ONECUT2: variants seen among roughly 807,000 people sequenced by gnomAD.
The protein encoded by ONECUT2 is one cut homeobox 2, also known as one cut domain family member 2.
ONECUT2 carries 10 observed loss-of-function variants against 27.9 expected under a neutral mutation model. The ratio of observed to expected loss-of-function variants is 0.36; its 90% confidence interval spans 0.22 to 0.61. ONECUT2 has a LOEUF of 0.61. Ranked by LOEUF, ONECUT2 falls within the 20% of genes least tolerant of loss-of-function variation. The pLI is 0.73. For synonymous variants in ONECUT2, 334 were observed against 315.1 expected, an observed-to-expected ratio of 1.06 and a Z score of -0.64; for missense variants, 686 against 721.0, an observed-to-expected ratio of 0.95 and a Z score of 0.56.
At chr18:57,474,332 G>A (rs750756660) in intron 1 of ONECUT2, among the ~76,000 whole-genome samples, 28 of 152,256 alleles carry the variant, frequency 1.8e-4, no homozygotes, top group South Asian at 4.2e-4. Flanking sequence ...TATCTTTCCC[G>A]TAAGTGTTTG....
intron 1 of ONECUT2, among the ~76,000 whole-genome samples, chr18:57,457,498 C>T (rs1598936727): frequency 6.6e-6 from 1 of 152,166 alleles, no homozygotes; most frequent in African/African-American, 2.4e-5. Flanking sequence ...TTCTCTAAGA[C>T]GTCCCTCCCC....
rs139464700 is a variant in ONECUT2, at chr18:57,469,031, C to T, written c.1229-7406C>T. ...ATTTCCATTCTTCTTACCTCAAACA[C>T]CTGTAGGTTTCTCAGGGAACAAGCC... On this transcript the variant is annotated intron_variant, in intron 1 of 1. Transcript: ENST00000491143. Among the ~76,000 whole-genome samples, 1,147 of 152,280 alleles carry T rather than the reference C, an allele frequency of 7.5e-3. 18 individuals are homozygous for T. Among genetic ancestry groups the T allele is most frequent in the African/African-American group, 0.025 (1,052 of 41,550 alleles).
At chr18:57,456,800 T>A (rs918803476) in intron 1 of ONECUT2, among the ~76,000 whole-genome samples, 1 of 152,060 alleles carries the variant, frequency 6.6e-6, no homozygotes, top group Non-Finnish European at 1.5e-5. Context: ...GCTCAATTTT[T>A]AAAAAAAATT....
intron 1 of ONECUT2, among the ~76,000 whole-genome samples, chr18:57,465,210 T>G (rs1227999058): frequency 1.3e-5 from 2 of 152,202 alleles, no homozygotes; most frequent in African/African-American, 4.8e-5. Context: ...TCACCCAGGC[T>G]GGAGTGCAGT....
At chr18:57,439,238 C>T (rs897997096) in intron 1 of ONECUT2, among the ~76,000 whole-genome samples, 10 of 152,236 alleles carry the variant, frequency 6.6e-5, no homozygotes, top group Non-Finnish European at 1.5e-4. Flanking sequence ...TCCTCAGCCC[C>T]ACCCGCGCCC....
At chr18:57,455,230 A>G (rs2050252490) in intron 1 of ONECUT2, among the ~76,000 whole-genome samples, 1 of 152,224 alleles carries the variant, frequency 6.6e-6, no homozygotes, top group Non-Finnish European at 1.5e-5. Context: ...GGTTCACACC[A>G]TCATCTTTAT....
Position 57,491,200 on chromosome 18 carries a change from A to G in ONECUT2, c.*14477A>G, listed in dbSNP as rs1158485047. 2 of 152,670 alleles carry G rather than the reference A, an allele frequency of 1.3e-5. No individual in the cohort carries two copies. The highest frequency in any genetic ancestry group is 2.9e-5 in the Non-Finnish European group (2 of 68,046). The allele number at this position is 152,670 out of a possible 1,614,324, so 9.5% of individuals were successfully genotyped here. On this transcript the variant is annotated 3_prime_UTR_variant, in exon 2 of 2. Coordinates refer to ENST00000491143, the MANE Select transcript of ONECUT2 (RefSeq NM_004852.3). ...CCCACCCCAATGTTTTGTCTGCAAC[A>G]TCGCTTACACTGGATTCTTTCTATT...
intron 1 of ONECUT2, among the ~76,000 whole-genome samples, chr18:57,445,443 T>C (rs1165886891): frequency 6.6e-6 from 1 of 152,212 alleles, no homozygotes; most frequent in Admixed American, 6.5e-5. Context: ...ATCGGCACAA[T>C]CCATTTCATT....
At chr18:57,461,498 A>C (rs566516135) in intron 1 of ONECUT2, among the ~76,000 whole-genome samples, 1 of 152,350 alleles carries the variant, frequency 6.6e-6, no homozygotes, top group Admixed American at 6.5e-5. Context: ...CAAGAATTCA[A>C]GTATGGGTAG....
intron 1 of ONECUT2, 104 bp from the exon 2 acceptor site, chr18:57,476,333 G>T: frequency 8.1e-7 from 1 of 1,229,140 alleles, no homozygotes. Flanking sequence ...GCACAATAAA[G>T]TTTAACGGTT....
Position 57,488,094 on chromosome 18 carries a change from A to C in ONECUT2, c.*11371A>C, listed in dbSNP as rs2050446706. ...ATCTGTCAATGAGGGTATATTGGGA[A>C]CGTGCTCTCGTGAATAATAAAAAGC... On this transcript the variant is annotated 3_prime_UTR_variant, in exon 2 of 2. Transcript: ENST00000491143. The C allele has an allele frequency of 6.6e-6, 1 of 152,580 alleles. No individual in the cohort carries two copies. The highest frequency in any genetic ancestry group is 2.4e-5 in the African/African-American group (1 of 41,466). The allele number at this position is 152,580 out of a possible 1,614,324, so 9.5% of individuals were successfully genotyped here.
intron 1 of ONECUT2, among the ~76,000 whole-genome samples, chr18:57,439,453 G>A (rs1444147961): frequency 6.6e-6 from 1 of 152,232 alleles, no homozygotes; most frequent in Non-Finnish European, 1.5e-5. Context: ...AAGAGCTTTA[G>A]CCTTTTTATC....
intron 1 of ONECUT2, among the ~76,000 whole-genome samples, chr18:57,445,963 A>C (rs1026335553): frequency 6.6e-6 from 1 of 152,246 alleles, no homozygotes; most frequent in Non-Finnish European, 1.5e-5. Context: ...CCTCAGAATA[A>C]TGTGCTCCAT....
At position 57,435,866 on chromosome 18, in the gene ONECUT2, C is replaced by T. The variant is rs900769190; in HGVS notation, c.150C>T (p.Gly50=). ...GGGGCGGCGGCGGGGGCGGCGGGGG[C>T]GGCGGCGGGGGCCCGGGCCATGAGC... ...SGGGGGGGGG[G]GGGGPGHEQE... The change falls in exon 1 of 2, where the codon GGC becomes GGT. Residue 50 remains glycine (G), a synonymous_variant. Coordinates refer to ENST00000491143, the MANE Select transcript of ONECUT2 (RefSeq NM_004852.3). The T allele has an allele frequency of 1.2e-4, 91 of 762,208 alleles. No individual in the cohort carries two copies. The highest frequency in any genetic ancestry group is 1.4e-4 in the Non-Finnish European group (88 of 623,038). 47.2% of individuals were successfully genotyped at this position (762,208 alleles called of 1,614,324 possible).
rs1160135183 is a variant in ONECUT2 at position 57,436,589 on chromosome 18, C to T, written c.873C>T (p.His291=). Residue 291 remains histidine, a synonymous_variant, in exon 1 of 2, where the codon CAC becomes CAT. Transcript: ENST00000491143. This position sits in a 1 kb window ranked among gnomAD's most constrained non-coding sequence, Gnocchi z 5.9. ...CCCCACCTGCGGCCATGATGTCGCACCTGAACGGCCTGCACCACCCGGGCC... is the reference window on the plus strand; with the variant it reads ...CCCCACCTGCGGCCATGATGTCGCATCTGAACGGCCTGCACCACCCGGGCC... ...LGTPPAAMMS[H]LNGLHHPGHT... is the part of the protein sequence containing the mutation. The T allele has an allele frequency of 6.2e-7, 1 of 1,610,492 alleles. No homozygotes were observed. Among genetic ancestry groups the T allele is most frequent in the Non-Finnish European group, 8.5e-7 (1 of 1,179,884 alleles).
rs530584593 is a variant in ONECUT2, at chr18:57,435,395, C to T, written c.-322C>T. 6.6e-6 allele frequency among the ~76,000 whole-genome samples: 1 copy of T among 151,842 alleles called. No homozygotes were observed. The highest frequency in any genetic ancestry group is 1.5e-5 in the Non-Finnish European group (1 of 67,952). On this transcript the variant is annotated 5_prime_UTR_variant, in exon 1 of 2. Coordinates refer to ENST00000491143, the MANE Select transcript of ONECUT2 (RefSeq NM_004852.3). ...CGGCAGAGCCCTTCTGGACAGCTCC[C>T]GCTCACCCAAACAGAAGACGTCGGC...
At chr18:57,458,864 CT>C (rs1209246890) in intron 1 of ONECUT2, among the ~76,000 whole-genome samples, 1 of 152,214 alleles carries the variant, frequency 6.6e-6, no homozygotes, top group Non-Finnish European at 1.5e-5. Context: ...TTCCCTGACA[CT>C]TGCCAGAAGT....
At chr18:57,449,480 T>A (rs1205070624) in intron 1 of ONECUT2, among the ~76,000 whole-genome samples, 1 of 152,196 alleles carries the variant, frequency 6.6e-6, no homozygotes, top group Non-Finnish European at 1.5e-5. Flanking sequence ...AATGTCATTT[T>A]CCTCCCAAAT....
chr18:57,450,068 G>A (rs565816440), intron 1 of ONECUT2, among the ~76,000 whole-genome samples: 1 of 152,262 alleles, frequency 6.6e-6, no homozygotes, highest in African/African-American at 2.4e-5. Flanking sequence ...GTGGCCTCCT[G>A]TCTATCTTTA....
Sources: gnomAD v4.1 joint callset for allele counts (sites outside exome capture counted in the v4.1 genomes callset) on GRCh38, gnomAD v4.1.1 for gene constraint, Gnocchi (gnomAD v3.1) non-coding constraint, MANE v1.5 for transcripts, NCBI Gene and HGNC (gene_info 2026-07-23, HGNC 2026-07-21) for gene names.